The following DPYSL3 variants were observed in gnomAD, a reference collection of about 807,000 sequenced individuals.
DPYSL3 encodes the protein dihydropyrimidinase-related protein 3.
A neutral mutation model predicts 66.1 loss-of-function variants in DPYSL3; 16 were observed. The observed-to-expected ratio is 0.24, with a 90% CI of 0.16 to 0.37. The LOEUF (loss-of-function observed/expected upper bound fraction) is 0.37. Ranked by LOEUF, DPYSL3 falls within the 10% of genes least tolerant of loss-of-function variation. DPYSL3 has a pLI of 1.00. For synonymous variants in DPYSL3, 338 were observed against 345.1 expected, an observed-to-expected ratio of 0.98 and a Z score of 0.23; for missense variants, 738 against 916.2, an observed-to-expected ratio of 0.81 and a Z score of 2.51.
At position 147,459,954 on chromosome 5, in the gene DPYSL3, CA is replaced by C. The variant is rs369326220; in HGVS notation, c.382-34992del. Among the ~76,000 whole-genome samples, 26 of 152,122 alleles carry C rather than the reference CA, an allele frequency of 1.7e-4. No individual in the cohort carries two copies. The East Asian group carries it at 4.6e-3, about 27-fold the overall frequency. ...TGAAACCCAGTCTCTACTCAAAATACAAAAAATTAGCCAGGTGTGGTGGTGG... is the reference window on the plus strand; with the variant it reads ...TGAAACCCAGTCTCTACTCAAAATACAAAAATTAGCCAGGTGTGGTGGTGG... On this transcript the variant is annotated intron_variant, in intron 1 of 13. Coordinates refer to ENST00000343218, the MANE Select transcript of DPYSL3 (RefSeq NM_001197294.2).
At position 147,413,666 on chromosome 5, in the gene DPYSL3, G is replaced by C; in HGVS notation, c.821-9C>G. The C allele has an allele frequency of 6.2e-7, 1 of 1,606,986 alleles. No homozygotes were observed. The highest frequency in any genetic ancestry group is 8.5e-7 in the Non-Finnish European group (1 of 1,174,594). On this transcript the variant is annotated splice_polypyrimidine_tract_variant and intron_variant, in intron 4 of 13. Coordinates refer to ENST00000343218, the MANE Select transcript of DPYSL3 (RefSeq NM_001197294.2). ...CATGAAGGAGTTAACCCCTGCAAAAGAGGGACAGGAGGAAAAACAAGAGAA... is the reference window on the plus strand; with the variant it reads ...CATGAAGGAGTTAACCCCTGCAAAACAGGGACAGGAGGAAAAACAAGAGAA...
intron 1 of DPYSL3, among the ~76,000 whole-genome samples, chr5:147,505,327 C>T (rs550203767): frequency 3.3e-5 from 5 of 152,066 alleles, no homozygotes; most frequent in Non-Finnish European, 5.9e-5. Flanking sequence ...CTCCACCTCC[C>T]GGGTTCAAGC....
At chr5:147,421,630 C>T (rs1467138613) in intron 2 of DPYSL3, among the ~76,000 whole-genome samples, 2 of 152,118 alleles carry the variant, frequency 1.3e-5, no homozygotes, top group African/African-American at 2.4e-5. Flanking sequence ...TCACAGTAAC[C>T]AAAACAGCAT....
At chr5:147,453,516 G>A (rs10041249) in intron 1 of DPYSL3, 6 of 1,519,614 alleles carry the variant, frequency 3.9e-6, no homozygotes, top group African/African-American at 1.4e-5. Flanking sequence ...GGGAGCGAGC[G>A]AGGAGGGAGG....
chr5:147,472,805 G>T (rs1368362159), intron 1 of DPYSL3: 1 of 151,992 alleles, frequency 6.6e-6, no homozygotes, highest in Non-Finnish European at 1.5e-5. Context: ...CTTGCTTACT[G>T]GTGTTTATAA....
intron 1 of DPYSL3, among the ~76,000 whole-genome samples, chr5:147,447,829 C>A (rs187469582): frequency 1.0e-3 from 154 of 152,260 alleles, no homozygotes; most frequent in African/African-American, 3.5e-3. Flanking sequence ...CAAGAGCAAA[C>A]CTCCGTCTCA....
rs371030253 is a variant in DPYSL3 at position 147,424,937 on chromosome 5, G to A, written c.408C>T (p.Gly136=). Residue 136 remains glycine (G), a synonymous_variant, in exon 2 of 14, where the codon GGC becomes GGT. Coordinates refer to ENST00000343218, the MANE Select transcript of DPYSL3 (RefSeq NM_001197294.2). ...AGGACTGATCATCATTGACGATTCT[G>A]CCTCCCTTGATAAGGAGACGGTCAC... ...DKSDRLLIKG[G]RIVNDDQSFY... The A allele has an allele frequency of 2.8e-5, 45 of 1,612,824 alleles. No individual in the cohort carries two copies. The highest frequency in any genetic ancestry group is 3.6e-5 in the Non-Finnish European group (43 of 1,179,398).
chr5:147,398,939 GC>G, intron 11 of DPYSL3, 142 bp downstream of exon 11: 1 of 1,152,600 alleles, frequency 8.7e-7, no homozygotes, highest in South Asian at 1.6e-5. Context: ...GAGGTTTTGA[GC>G]CACTGAGATT....
intron 10 of DPYSL3, among the ~76,000 whole-genome samples, chr5:147,399,677 G>C (rs989620171): frequency 2.6e-5 from 4 of 152,114 alleles, no homozygotes; most frequent in African/African-American, 9.7e-5. Flanking sequence ...GATAACAATG[G>C]GTTCCCTGGG....
intron 1 of DPYSL3, among the ~76,000 whole-genome samples, chr5:147,488,184 T>C (rs554649346): frequency 6.6e-6 from 1 of 152,244 alleles, no homozygotes; most frequent in East Asian, 1.9e-4. Context: ...TTTACATCTT[T>C]CCTCTTTAGT....
At chr5:147,441,705 T>C (rs147053417) in intron 1 of DPYSL3, among the ~76,000 whole-genome samples, 1 of 152,306 alleles carries the variant, frequency 6.6e-6, no homozygotes, top group African/African-American at 2.4e-5. Context: ...TGGCAAATTA[T>C]TTTCCCTTTT....
intron 1 of DPYSL3, chr5:147,472,865 A>G (rs571785901): frequency 1.4e-4 from 21 of 152,246 alleles, no homozygotes; most frequent in African/African-American, 5.1e-4. Context: ...TAATAGGTTT[A>G]TGGCCTCTTT....
intron 1 of DPYSL3, among the ~76,000 whole-genome samples, chr5:147,474,210 A>G (rs1278896762): frequency 1.3e-5 from 2 of 152,070 alleles, no homozygotes; most frequent in East Asian, 3.9e-4. Flanking sequence ...TCATAGGGGA[A>G]CAGTAAATGT....
chr5:147,476,748 A>G (rs1277852723), intron 1 of DPYSL3, among the ~76,000 whole-genome samples: 2 of 152,194 alleles, frequency 1.3e-5, no homozygotes, highest in Non-Finnish European at 2.9e-5. Flanking sequence ...AGAATTTGTA[A>G]CAATAGAAGA....
At chr5:147,467,975 G>C (rs963063053) in intron 1 of DPYSL3, among the ~76,000 whole-genome samples, 31 of 152,142 alleles carry the variant, frequency 2.0e-4, no homozygotes, top group Admixed American at 2.0e-3. Context: ...AACTGCATTC[G>C]TGAGGGCAGA....
At position 147,462,006 on chromosome 5, in the gene DPYSL3, G is replaced by A. The variant is rs114780466; in HGVS notation, c.382-37043C>T. On this transcript the variant is annotated intron_variant, in intron 1 of 13. Coordinates refer to ENST00000343218, the MANE Select transcript of DPYSL3 (RefSeq NM_001197294.2). ...CCTAAGGGAATGGCAGAGGTTAGCA[G>A]CACAGTTAAAGACCTGAAGGATGCA... Among the ~76,000 whole-genome samples, 981 of 151,646 alleles carry A rather than the reference G, an allele frequency of 6.5e-3. 16 individuals are homozygous for A. Among genetic ancestry groups the A allele is most frequent in the African/African-American group, 0.023 (935 of 40,962 alleles).
At chr5:147,400,490 T>G (rs1737705035) in intron 10 of DPYSL3, among the ~76,000 whole-genome samples, 1 of 152,232 alleles carries the variant, frequency 6.6e-6, no homozygotes, top group African/African-American at 2.4e-5. Context: ...GAAGCCTCCT[T>G]CAGAATGCTA....
intron 2 of DPYSL3, among the ~76,000 whole-genome samples, chr5:147,423,336 TTCAC>T (rs57113489): frequency 1.2e-4 from 18 of 152,212 alleles, no homozygotes; most frequent in East Asian, 3.9e-4. Context: ...CATTCATTCA[TTCAC>T]TCACTCATTC....
intron 1 of DPYSL3, among the ~76,000 whole-genome samples, chr5:147,473,551 T>A (rs531997619): frequency 6.6e-6 from 1 of 152,306 alleles, no homozygotes; most frequent in Non-Finnish European, 1.5e-5. Flanking sequence ...GAATGAAATG[T>A]TATCACAAAC....
Sources: allele counts gnomAD v4.1 joint callset (sites outside exome capture counted in the v4.1 genomes callset), GRCh38; gene constraint gnomAD v4.1.1; transcripts MANE v1.5; gene names NCBI Gene and HGNC (gene_info 2026-07-23, HGNC 2026-07-21).